ZBTB20: variants seen among roughly 807,000 people sequenced by gnomAD.
ZBTB20 encodes the protein zinc finger and BTB domain-containing protein 20.
Under a neutral mutation model 56.9 loss-of-function variants are expected in ZBTB20, and 9 were observed. The observed-to-expected ratio is 0.16, with a 90% CI of 0.10 to 0.28. The LOEUF (loss-of-function observed/expected upper bound fraction) is 0.28. ZBTB20 is among the 10% of genes least tolerant of loss of function. The probability of loss-of-function intolerance (pLI) is 1.00; values close to 1 mark genes in which losing one functional copy is unlikely to be tolerated. For synonymous variants in ZBTB20, 417 were observed against 420.7 expected (o/e 0.99, Z 0.11); for missense variants, 655 against 1,003.0 (o/e 0.65, Z 4.69).
At chr3:114,448,828 AAAAAT>A in intron 7 of ZBTB20, among the ~76,000 whole-genome samples, 1 of 152,170 alleles carries the variant, frequency 6.6e-6, no homozygotes, top group East Asian at 1.9e-4. Context: ...TTTATTACAG[AAAAAT>A]AAAATATAAT....
At chr3:114,804,814 T>C (rs1171213680) in intron 4 of ZBTB20, among the ~76,000 whole-genome samples, 5 of 151,866 alleles carry the variant, frequency 3.3e-5, no homozygotes, top group African/African-American at 1.2e-4. Context: ...GCATGAATAC[T>C]TTACTATGTG....
intron 6 of ZBTB20, among the ~76,000 whole-genome samples, chr3:114,664,530 T>C (rs2060935595): frequency 6.6e-6 from 1 of 151,964 alleles, no homozygotes; most frequent in South Asian, 2.1e-4. Context: ...TTGTGTACAA[T>C]TCTTCTTGAA....
rs2062626540 is a variant in ZBTB20 at position 114,690,360 on chromosome 3, G to A, written c.-295+3168C>T. On this transcript the variant is annotated intron_variant, in intron 6 of 11. Transcript: ENST00000675478. ...TCAGTTTATACTGATGCAGTATGTT[G>A]CATAGTTACATCCTGAATTTCTGAT... is the stretch of plus-strand genomic sequence containing the variant. Among the ~76,000 whole-genome samples, 3 of 152,126 alleles carry A rather than the reference G, an allele frequency of 2.0e-5. No homozygotes were observed. In the South Asian group the frequency reaches 6.2e-4, roughly 32 times the overall value.
intron 3 of ZBTB20, among the ~76,000 whole-genome samples, chr3:114,905,820 A>G (rs1256089909): frequency 6.6e-6 from 1 of 151,852 alleles, no homozygotes; most frequent in Non-Finnish European, 1.5e-5. Flanking sequence ...CACATTGGAC[A>G]AGAATGAGTT....
At position 114,350,646 on chromosome 3, in the gene ZBTB20, G is replaced by T. The variant is rs747623097; in HGVS notation, c.1432C>A (p.Arg478Ser). The change falls in exon 11 of 12, where the codon CGC becomes AGC. Residue 478 changes from arginine (R) to serine (S), a missense_variant. Arg to Ser is a moderately radical substitution (Grantham distance 110). This residue lies in a region of ZBTB20 where 156 missense variants were observed against 181.0 expected (regional missense o/e 0.86). Coordinates refer to ENST00000675478, the MANE Select transcript of ZBTB20 (RefSeq NM_001348800.3). The part of the protein sequence containing the change: ...QPLPSTQLYL[R>S]QTETLTSNLR... ...TTGCTGGTGAGGGTTTCTGTCTGGC[G>T]TAAGTAGAGCTGGGTACTTGGCAAT... 1.2e-6 allele frequency: 2 copies of T among 1,614,218 alleles called. No individual in the cohort carries two copies. Among genetic ancestry groups the T allele is most frequent in the African/African-American group, 1.3e-5 (1 of 75,064 alleles).
At chr3:114,757,546 T>G (rs996244387) in intron 5 of ZBTB20, among the ~76,000 whole-genome samples, 3 of 152,118 alleles carry the variant, frequency 2.0e-5, no homozygotes, top group African/African-American at 7.2e-5. Context: ...ATGCCCCCTT[T>G]GCTATTTCTA....
rs527620616 is a variant in ZBTB20, at chr3:114,509,354, T to G, written c.-294-8963A>C. On this transcript the variant is annotated intron_variant, in intron 6 of 11. Transcript: ENST00000675478. ...AGGGGAATTTGCATTTTCTTAACTG[T>G]TGATACAAGATCTACATTCAGTTTT... Among the ~76,000 whole-genome samples the G allele has an allele frequency of 1.6e-4, 24 of 152,002 alleles. No homozygotes were observed. The South Asian group carries it at 4.0e-3, about 25-fold the overall frequency.
At chr3:114,541,240 C>A (rs1285101828) in intron 6 of ZBTB20, among the ~76,000 whole-genome samples, 6 of 152,090 alleles carry the variant, frequency 3.9e-5, no homozygotes, top group Non-Finnish European at 8.8e-5. Flanking sequence ...TGCAAAAAAT[C>A]TAAGTTAATG....
At chr3:114,920,621 G>C (rs2075920471) in intron 3 of ZBTB20, among the ~76,000 whole-genome samples, 1 of 151,234 alleles carries the variant, frequency 6.6e-6, no homozygotes, top group Non-Finnish European at 1.5e-5. Flanking sequence ...CAAGAGGGAA[G>C]GACATAACAA....
At chr3:114,960,822 G>A (rs900477382) in intron 3 of ZBTB20, among the ~76,000 whole-genome samples, 1 of 152,058 alleles carries the variant, frequency 6.6e-6, no homozygotes, top group Non-Finnish European at 1.5e-5. Flanking sequence ...AGGACATAGT[G>A]AGGATATCAG....
At chr3:114,350,193 C>A in intron 11 of ZBTB20, 81 bp downstream of exon 11, 2 of 1,514,728 alleles carry the variant, frequency 1.3e-6, no homozygotes, top group Non-Finnish European at 1.8e-6. Context: ...CCAAACCTTC[C>A]CTTCTACCTG....
intron 2 of ZBTB20, among the ~76,000 whole-genome samples, chr3:114,993,056 T>C (rs2108165347): frequency 6.6e-6 from 1 of 152,108 alleles, no homozygotes; most frequent in African/African-American, 2.4e-5. Flanking sequence ...ACTGATACTC[T>C]TTTGTTCAAT....
At chr3:114,715,948 CAGGT>C (rs2064450129) in intron 5 of ZBTB20, among the ~76,000 whole-genome samples, 1 of 152,196 alleles carries the variant, frequency 6.6e-6, no homozygotes, top group Non-Finnish European at 1.5e-5. Flanking sequence ...TGGACTGGAA[CAGGT>C]CAGACTATCT....
chr3:115,131,147 ACTTTT>A (rs1382412421), intron 1 of ZBTB20, among the ~76,000 whole-genome samples: 1 of 152,160 alleles, frequency 6.6e-6, no homozygotes, highest in African/African-American at 2.4e-5. Context: ...TTTTAGCACA[ACTTTT>A]CTTTTCCTTT....
At chr3:114,573,986 C>T (rs1036544412) in intron 6 of ZBTB20, among the ~76,000 whole-genome samples, 2 of 151,990 alleles carry the variant, frequency 1.3e-5, no homozygotes, top group African/African-American at 2.4e-5. Context: ...ACATCATTAT[C>T]GAATACTTTC....
intron 2 of ZBTB20, among the ~76,000 whole-genome samples, chr3:115,027,112 A>C (rs557003232): frequency 6.6e-6 from 1 of 151,114 alleles, no homozygotes; most frequent in East Asian, 1.9e-4. Context: ...ACTGTCAAAA[A>C]TTTTTGCTAC....
chr3:114,811,848 T>C (rs570176899), intron 4 of ZBTB20, among the ~76,000 whole-genome samples: 2 of 124,492 alleles, frequency 1.6e-5, no homozygotes, highest in Admixed American at 8.4e-5. Flanking sequence ...CGTCACCTTG[T>C]TGTATAAGTG....
intron 1 of ZBTB20, among the ~76,000 whole-genome samples, chr3:115,099,917 GATTT>G (rs1293977690): frequency 6.6e-6 from 1 of 152,098 alleles, no homozygotes; most frequent in Non-Finnish European, 1.5e-5. Flanking sequence ...GAGAAAAATA[GATTT>G]GTTTGTAATT....
chr3:114,983,230 T>C (rs1451819330), intron 2 of ZBTB20, among the ~76,000 whole-genome samples: 3 of 151,996 alleles, frequency 2.0e-5, no homozygotes, highest in African/African-American at 7.2e-5. Context: ...AGCTGAAATA[T>C]TTTCACATAT....
Sources: allele counts gnomAD v4.1 joint callset (sites outside exome capture counted in the v4.1 genomes callset), GRCh38; gene constraint gnomAD v4.1.1; regional missense constraint gnomAD v4.1.1; transcripts MANE v1.5; gene names NCBI Gene and HGNC (gene_info 2026-07-23, HGNC 2026-07-21).